Variants in FRMD6 observed in about 807,000 individuals in gnomAD.
The protein encoded by FRMD6 is FERM domain-containing protein 6.
A neutral mutation model predicts 73.2 loss-of-function variants in FRMD6; 37 were observed. The observed-to-expected ratio is 0.51, with a 90% CI of 0.39 to 0.66. FRMD6 has a LOEUF of 0.66. Ranked by LOEUF, FRMD6 falls within the 30% of genes least tolerant of loss-of-function variation. The pLI, the probability that FRMD6 is intolerant of heterozygous loss-of-function variation, is 0.00. For missense variants in FRMD6, 714 were observed against 780.5 expected (o/e 0.91, Z 1.02); for synonymous variants, 273 against 282.2 (o/e 0.97, Z 0.33).
At chr14:51,628,266 T>A (rs944286991) in intron 2 of FRMD6, among the ~76,000 whole-genome samples, 7 of 152,224 alleles carry the variant, frequency 4.6e-5, no homozygotes, top group African/African-American at 1.7e-4. Flanking sequence ...AAGATCACTT[T>A]ATGAATTATA....
intron 2 of FRMD6, among the ~76,000 whole-genome samples, chr14:51,633,697 T>C (rs757456277): frequency 1.3e-5 from 2 of 150,226 alleles, no homozygotes; most frequent in South Asian, 2.1e-4. Flanking sequence ...AGAAACAAGA[T>C]ATTTTCAAGA....
At chr14:51,558,919 C>G (rs760691989) in intron 1 of FRMD6, among the ~76,000 whole-genome samples, 10 of 152,188 alleles carry the variant, frequency 6.6e-5, no homozygotes, top group African/African-American at 9.7e-5. Flanking sequence ...AATTTTATGA[C>G]TTAACTGCTA....
chr14:51,597,212 G>C (rs1001608646), intron 2 of FRMD6, among the ~76,000 whole-genome samples: 6 of 152,176 alleles, frequency 3.9e-5, no homozygotes, highest in Non-Finnish European at 8.8e-5. Context: ...CTACCATAGA[G>C]AGCTTATCTT....
chr14:51,448,996 AC>A, the FRMD6 span, among the ~76,000 whole-genome samples: 1 of 152,200 alleles, frequency 6.6e-6, no homozygotes. Flanking sequence ...GGGTAGGCAA[AC>A]AATGCCTGCA....
At chr14:51,447,715 C>T in the FRMD6 span, among the ~76,000 whole-genome samples, 1 of 152,172 alleles carries the variant, frequency 6.6e-6, no homozygotes, top group Non-Finnish European at 1.5e-5. Context: ...ACAAAGGGAT[C>T]CTACCACTGG....
chr14:51,713,200 T>C (rs761757305), intron 9 of FRMD6, among the ~76,000 whole-genome samples: 33 of 152,312 alleles, frequency 2.2e-4, no homozygotes, highest in Non-Finnish European at 4.3e-4. Flanking sequence ...CTCACTCCTA[T>C]AATCCCAGCC....
At chr14:51,595,942 G>GT (rs1198042941) in intron 2 of FRMD6, among the ~76,000 whole-genome samples, 3 of 152,170 alleles carry the variant, frequency 2.0e-5, no homozygotes, top group East Asian at 3.9e-4. Context: ...GGTATGTAGG[G>GT]TTTTACATAT....
chr14:51,591,699 T>C (rs559823960), intron 2 of FRMD6, among the ~76,000 whole-genome samples: 19 of 152,228 alleles, frequency 1.2e-4, no homozygotes, highest in Admixed American at 6.5e-4. Flanking sequence ...TGCGCCACCA[T>C]GCCCAGCTAA....
chr14:51,686,830 C>A (rs1895186959), intron 1 of FRMD6, among the ~76,000 whole-genome samples: 1 of 152,126 alleles, frequency 6.6e-6, no homozygotes, highest in African/African-American at 2.4e-5. Context: ...TAATCTAATT[C>A]TTTTCCCCAG....
chr14:51,608,156 G>C (rs1256765953), intron 2 of FRMD6, among the ~76,000 whole-genome samples: 1 of 152,210 alleles, frequency 6.6e-6, no homozygotes, highest in South Asian at 2.1e-4. Context: ...AGGAGCCTAC[G>C]AGCTGTGATC....
intron 2 of FRMD6, among the ~76,000 whole-genome samples, chr14:51,605,363 C>T (rs987838894): frequency 3.3e-5 from 5 of 152,036 alleles, no homozygotes; most frequent in Admixed American, 1.3e-4. Flanking sequence ...TGCCTTCAAG[C>T]ATCTGTTTAA....
intron 2 of FRMD6, among the ~76,000 whole-genome samples, chr14:51,611,589 C>T (rs1209081921): frequency 2.0e-5 from 3 of 152,134 alleles, no homozygotes; most frequent in African/African-American, 7.2e-5. Context: ...CACAAATCAC[C>T]CAAGGATCCT....
intron 1 of FRMD6, among the ~76,000 whole-genome samples, chr14:51,542,267 C>A (rs926685819): frequency 6.6e-6 from 1 of 151,990 alleles, no homozygotes; most frequent in Admixed American, 6.6e-5. Flanking sequence ...AATCCTATAC[C>A]CATTAAGCAG....
At chr14:51,411,273 C>A in the FRMD6 span, among the ~76,000 whole-genome samples, 4 of 152,060 alleles carry the variant, frequency 2.6e-5, no homozygotes, top group Non-Finnish European at 4.4e-5. Context: ...GCAGCAAGAG[C>A]AGAACTGAAA....
chr14:51,647,126 G>A (rs1458472476), upstream of FRMD6, among the ~76,000 whole-genome samples: 1 of 152,012 alleles, frequency 6.6e-6, no homozygotes, highest in Non-Finnish European at 1.5e-5. Context: ...ATGAAACTTT[G>A]ACCCTGGATA....
chr14:51,709,364 C>T (rs529632376), intron 7 of FRMD6, among the ~76,000 whole-genome samples: 1 of 152,280 alleles, frequency 6.6e-6, no homozygotes, highest in East Asian at 1.9e-4. Context: ...AAACAGTGCC[C>T]AGCACATGTT....
intron 2 of FRMD6, among the ~76,000 whole-genome samples, chr14:51,637,006 T>G (rs1362829288): frequency 6.6e-6 from 1 of 152,168 alleles, no homozygotes; most frequent in Non-Finnish European, 1.5e-5. Flanking sequence ...GGAGGATGGC[T>G]TAAGCCCAGG....
At position 51,624,226 on chromosome 14, in the gene FRMD6, A is replaced by C. The variant is rs1891036630; in HGVS notation, c.-147+53816A>C. On this transcript the variant is annotated intron_variant, in intron 2 of 14. Coordinates refer to the FRMD6 transcript ENST00000356218. ...GGCTTAATACCTGCTGGGTGGAAAA[A>C]TCTGCAAAATGAACCCCCTTTACAA... Among the ~76,000 whole-genome samples the C allele has an allele frequency of 2.6e-5, 4 of 152,274 alleles. No homozygotes were observed. In the South Asian group the frequency reaches 8.3e-4, roughly 32 times the overall value.
At chr14:51,481,192 A>G in the FRMD6 span, among the ~76,000 whole-genome samples, 1 of 152,208 alleles carries the variant, frequency 6.6e-6, no homozygotes, top group South Asian at 2.1e-4. Context: ...AATATGAGGT[A>G]TGTATTCGTC....
Sources: allele counts gnomAD v4.1 joint callset (sites outside exome capture counted in the v4.1 genomes callset), GRCh38; gene constraint gnomAD v4.1.1; transcripts MANE v1.5; gene names NCBI Gene and HGNC (gene_info 2026-07-23, HGNC 2026-07-21).